Variants in PRKCE observed in about 807,000 individuals in gnomAD.
The protein encoded by PRKCE is protein kinase C epsilon, also known as protein kinase C epsilon type.
In PRKCE, 16 loss-of-function variants were observed where a neutral mutation model predicts 85.4. That is an observed-to-expected ratio of 0.19 (90% CI 0.13 to 0.28). PRKCE has a LOEUF of 0.28. Among genes scored for constraint, PRKCE ranks in the 10% least tolerant of loss-of-function variants. PRKCE has a pLI of 1.00. For synonymous variants in PRKCE, 388 were observed against 371.5 expected (o/e 1.04, Z -0.51); for missense variants, 573 against 975.2 (o/e 0.59, Z 5.49).
In PRKCE at chr2:45,961,236, TC is replaced by T. The variant is rs35793151; in HGVS notation, c.413-15185del. Among the ~76,000 whole-genome samples, 185 of 150,894 alleles carry T rather than the reference TC, an allele frequency of 1.2e-3. 1 individual carries two copies. The highest frequency in any genetic ancestry group is 4.3e-3 in the African/African-American group (177 of 41,026). On this transcript the variant is annotated intron_variant, in intron 2 of 14. Coordinates refer to ENST00000306156, the MANE Select transcript of PRKCE (RefSeq NM_005400.3). ...CAGTAGTCACAATACCTACCTCCTT[TC>T]CCCCCCCGATTTGGTTGAGCAGTGA...
At chr2:45,970,648 A>G (rs1702049506) in intron 2 of PRKCE, among the ~76,000 whole-genome samples, 1 of 152,140 alleles carries the variant, frequency 6.6e-6, no homozygotes, top group South Asian at 2.1e-4. Flanking sequence ...CTACAAAGGA[A>G]ACTTGGGAAA....
intron 6 of PRKCE, among the ~76,000 whole-genome samples, chr2:45,987,648 T>G (rs986596800): frequency 2.5e-4 from 37 of 150,742 alleles, no homozygotes; most frequent in African/African-American, 8.6e-4. Context: ...CCACGGAACC[T>G]GCACAGCACA....
At chr2:45,705,686 ATTC>A (rs1394104284) in intron 1 of PRKCE, among the ~76,000 whole-genome samples, 1 of 152,232 alleles carries the variant, frequency 6.6e-6, no homozygotes, top group Admixed American at 6.5e-5. Context: ...CTGTATAATT[ATTC>A]TTCTCAGCTG....
At chr2:45,962,454 C>A (rs1349675398) in intron 2 of PRKCE, among the ~76,000 whole-genome samples, 1 of 152,196 alleles carries the variant, frequency 6.6e-6, no homozygotes, top group Non-Finnish European at 1.5e-5. Context: ...AATTTTTTCT[C>A]AGGTTCATTA....
rs200872732 is a variant in PRKCE, at chr2:45,974,689, C to T, written c.413-1740C>T. Among the ~76,000 whole-genome samples, 14 of 152,312 alleles carry T rather than the reference C, an allele frequency of 9.2e-5. No homozygotes were observed. The East Asian group carries it at 2.1e-3, about 23-fold the overall frequency. On this transcript the variant is annotated intron_variant, in intron 2 of 14. Transcript: ENST00000306156. Reference sequence around the variant, plus strand: ...CCTTGGATTAATCTGTTGTTCAGGTCATACATATGACCTCCACTTCAGGGA... The same window carrying T: ...CCTTGGATTAATCTGTTGTTCAGGTTATACATATGACCTCCACTTCAGGGA...
At chr2:46,074,795 C>G (rs189178522) in intron 10 of PRKCE, among the ~76,000 whole-genome samples, 39 of 152,282 alleles carry the variant, frequency 2.6e-4, no homozygotes, top group African/African-American at 9.1e-4. Flanking sequence ...TGAGCCTGGA[C>G]AGATGGGGAT....
At chr2:45,795,702 C>T (rs930301128) in intron 1 of PRKCE, among the ~76,000 whole-genome samples, 4 of 152,214 alleles carry the variant, frequency 2.6e-5, no homozygotes, top group African/African-American at 9.6e-5. Context: ...TCAAACCACA[C>T]AAACTGGCTC....
chr2:45,729,972 A>G (rs1573098022), intron 1 of PRKCE, among the ~76,000 whole-genome samples: 1 of 152,208 alleles, frequency 6.6e-6, no homozygotes, highest in Admixed American at 6.5e-5. Context: ...TTTTAAGGGT[A>G]TAGAGTCATA....
intron 11 of PRKCE, among the ~76,000 whole-genome samples, chr2:46,136,919 A>G (rs1179902544): frequency 6.6e-6 from 1 of 152,222 alleles, no homozygotes; most frequent in Admixed American, 6.5e-5. Context: ...TATACTTCAT[A>G]TGTTTCATCC....
chr2:45,691,167 C>G (rs752563801), intron 1 of PRKCE, among the ~76,000 whole-genome samples: 1 of 152,124 alleles, frequency 6.6e-6, no homozygotes, highest in Non-Finnish European at 1.5e-5. Context: ...GAGCTGTGTC[C>G]GTCAGTGGGC....
At chr2:46,049,971 C>A (rs1708753643) in intron 10 of PRKCE, among the ~76,000 whole-genome samples, 1 of 152,148 alleles carries the variant, frequency 6.6e-6, no homozygotes, top group Admixed American at 6.5e-5. Context: ...TCACCATGGC[C>A]AGTGTAGAAG....
At chr2:45,839,012 A>G (rs1052796374) in intron 1 of PRKCE, among the ~76,000 whole-genome samples, 2 of 151,946 alleles carry the variant, frequency 1.3e-5, no homozygotes, top group Non-Finnish European at 2.9e-5. Flanking sequence ...CAGCAGCCCC[A>G]TTTCACTGAC....
intron 1 of PRKCE, among the ~76,000 whole-genome samples, chr2:45,829,252 T>C (rs1690204290): frequency 6.6e-6 from 1 of 152,252 alleles, no homozygotes. Flanking sequence ...CAAAACATTC[T>C]TTATAAATTT....
chr2:46,023,135 CT>C (rs967630155), intron 10 of PRKCE, among the ~76,000 whole-genome samples: 4 of 146,686 alleles, frequency 2.7e-5, no homozygotes, highest in Non-Finnish European at 4.5e-5. Context: ...AGATCCCAAG[CT>C]GACTTGAGAG....
At chr2:46,135,299 G>A (rs1482779123) in intron 11 of PRKCE, among the ~76,000 whole-genome samples, 3 of 152,222 alleles carry the variant, frequency 2.0e-5, no homozygotes, top group Admixed American at 1.3e-4. Flanking sequence ...ATGAAAGGGC[G>A]GGCGTGTGGA....
chr2:45,883,525 T>A (rs974030737), intron 2 of PRKCE, among the ~76,000 whole-genome samples: 1 of 152,236 alleles, frequency 6.6e-6, no homozygotes, highest in Non-Finnish European at 1.5e-5. Context: ...CTTCTCCGCA[T>A]GTGCCAGCCT....
At position 45,916,802 on chromosome 2, in the gene PRKCE, C is replaced by T. The variant is rs148271729; in HGVS notation, c.413-59627C>T. On this transcript the variant is annotated intron_variant, in intron 2 of 14. Transcript: ENST00000306156. ...ATCTCACTGACTTCAAGAATGAAGC[C>T]GTGGACCCTCACGCTGAGTGTTACA... is the stretch of plus-strand genomic sequence containing the variant. Among the ~76,000 whole-genome samples the T allele has an allele frequency of 2.5e-3, 387 of 152,252 alleles. 4 individuals are homozygous for T. Among genetic ancestry groups the T allele is most frequent in the African/African-American group, 9.1e-3 (380 of 41,540 alleles).
Position 45,651,834 on chromosome 2 carries a change from T to A in PRKCE, c.-267T>A, listed in dbSNP as rs920391773. On this transcript the variant is annotated 5_prime_UTR_variant, in exon 1 of 15. Coordinates refer to ENST00000306156, the MANE Select transcript of PRKCE (RefSeq NM_005400.3). The stretch of plus-strand genomic sequence containing the variant: ...TCTTCTCTTCTGGAGGTGCAGCTGG[T>A]GGTCGGGGGGAGAGACTTGCTCCAA... 8.7e-6 allele frequency: 3 copies of A among 345,756 alleles called. No homozygotes were observed. The highest frequency in any genetic ancestry group is 1.6e-5 in the Non-Finnish European group (3 of 189,016). The allele number at this position is 345,756 out of a possible 1,614,324, so 21.4% of individuals were successfully genotyped here. A position where few individuals can be genotyped will look rare whatever the true frequency, so the allele number is the denominator to read the frequency against.
At chr2:45,986,846 G>T (rs138633563) in intron 6 of PRKCE, among the ~76,000 whole-genome samples, 1 of 152,168 alleles carries the variant, frequency 6.6e-6, no homozygotes, top group African/African-American at 2.4e-5. Flanking sequence ...TCTAGTGTGT[G>T]ACCCTGAACA....
Sources: allele counts gnomAD v4.1 joint callset (sites outside exome capture counted in the v4.1 genomes callset), GRCh38; gene constraint gnomAD v4.1.1; transcripts MANE v1.5; gene names NCBI Gene and HGNC (gene_info 2026-07-23, HGNC 2026-07-21).